PROS1: variants seen among roughly 807,000 people sequenced by gnomAD.
PROS1 encodes vitamin K-dependent protein S.
Under a neutral mutation model 75.9 loss-of-function variants are expected in PROS1, and 29 were observed. The observed-to-expected ratio is 0.38, with a 90% CI of 0.28 to 0.52. The LOEUF is 0.52. Ranked by LOEUF, PROS1 falls within the 20% of genes least tolerant of loss-of-function variation. PROS1 has a pLI of 0.83. For missense variants in PROS1, 680 were observed against 810.3 expected, an observed-to-expected ratio of 0.84 and a Z score of 1.95; for synonymous variants, 245 against 280.6, an observed-to-expected ratio of 0.87 and a Z score of 1.27.
At chr3:93,874,563 C>T (rs544407708) in intron 14 of PROS1, among the ~76,000 whole-genome samples, 158 bp from the exon 15 acceptor site, 73 of 152,228 alleles carry the variant, frequency 4.8e-4, no homozygotes, top group Non-Finnish European at 7.6e-4. Flanking sequence ...TGTTAAGTGA[C>T]GCCGATATAC....
intron 2 of PROS1, among the ~76,000 whole-genome samples, chr3:93,926,364 G>A (rs777754030): frequency 2.6e-5 from 4 of 152,182 alleles, no homozygotes; most frequent in Non-Finnish European, 4.4e-5. Context: ...GGGCGCAGTG[G>A]CTCATGCCTG....
chr3:93,971,520 C>T (rs1709881083), intron 1 of PROS1, among the ~76,000 whole-genome samples: 3 of 151,946 alleles, frequency 2.0e-5, no homozygotes, highest in Admixed American at 2.0e-4. Flanking sequence ...AATCCCAGCA[C>T]TTTGGGCAGC....
At chr3:93,932,516 G>A (rs564879235) in intron 1 of PROS1, among the ~76,000 whole-genome samples, 1 of 152,244 alleles carries the variant, frequency 6.6e-6, no homozygotes, top group South Asian at 2.1e-4. Context: ...AGTCTTTCAA[G>A]ATAAGAAGTA....
At chr3:93,925,795 C>T (rs1315429979) in intron 2 of PROS1, among the ~76,000 whole-genome samples, 3 of 148,634 alleles carry the variant, frequency 2.0e-5, no homozygotes, top group African/African-American at 7.4e-5. Flanking sequence ...TGCACTCTAG[C>T]CTGGGCAACA....
intron 3 of PROS1, among the ~76,000 whole-genome samples, chr3:93,921,273 T>TCA (rs1163712464): frequency 6.6e-6 from 1 of 152,236 alleles, no homozygotes; most frequent in African/African-American, 2.4e-5. Context: ...TCGGACTGAA[T>TCA]ATCATTTTAT....
At position 93,910,614 on chromosome 3, in the gene PROS1, C is replaced by T. The variant is rs865991206; in HGVS notation, c.346+5G>A. 23 of 1,606,244 alleles carry T rather than the reference C, an allele frequency of 1.4e-5. No individual in the cohort carries two copies. Among genetic ancestry groups the T allele is most frequent in the Non-Finnish European group, 1.8e-5 (21 of 1,173,220 alleles). On this transcript the variant is annotated splice_donor_5th_base_variant and intron_variant, in intron 4 of 14. Coordinates refer to ENST00000394236, the MANE Select transcript of PROS1 (RefSeq NM_000313.4). The stretch of plus-strand genomic sequence containing the variant: ...GTTTTTTCAATTGATGGTAGAAGTG[C>T]TTACCATTGACACAGCTTCTTAGGT...
intron 13 of PROS1, among the ~76,000 whole-genome samples, chr3:93,878,278 T>C (rs1470159738): frequency 6.6e-6 from 1 of 152,048 alleles, no homozygotes; most frequent in East Asian, 1.9e-4. Flanking sequence ...AGGCAGGAGA[T>C]TAAAACAAAA....
At chr3:93,958,419 A>G (rs1709645548) in intron 1 of PROS1, 1 of 152,224 alleles carries the variant, frequency 6.6e-6, no homozygotes, top group Non-Finnish European at 1.5e-5. Context: ...CCAATCCTAC[A>G]TTTGATAAAA....
intron 1 of PROS1, among the ~76,000 whole-genome samples, chr3:93,927,957 GTA>G (rs1174657374): frequency 2.8e-4 from 32 of 116,058 alleles, no homozygotes; most frequent in East Asian, 1.0e-3. Context: ...ATATACTTGT[GTA>G]TATATATATG....
At chr3:93,878,350 C>A (rs1389274961) in intron 13 of PROS1, among the ~76,000 whole-genome samples, 4 of 152,176 alleles carry the variant, frequency 2.6e-5, no homozygotes, top group African/African-American at 7.2e-5. Flanking sequence ...CCACCAGAAA[C>A]TTCCCATCCT....
chr3:93,960,532 CTTTTTTTTTT>C (rs774875701), intron 1 of PROS1, among the ~76,000 whole-genome samples: 5 of 50,144 alleles, frequency 1.0e-4, no homozygotes, highest in African/African-American at 1.8e-4. Flanking sequence ...CTCCATTGCT[CTTTTTTTTTT>C]TTTTTTTTTT....
At chr3:93,932,548 T>G (rs1259948499) in intron 1 of PROS1, among the ~76,000 whole-genome samples, 1 of 152,228 alleles carries the variant, frequency 6.6e-6, no homozygotes, top group Non-Finnish European at 1.5e-5. Context: ...ACTTGATTTT[T>G]TTAACTTATC....
At chr3:93,967,199 T>G (rs1645531595) in intron 1 of PROS1, among the ~76,000 whole-genome samples, 1 of 152,238 alleles carries the variant, frequency 6.6e-6, no homozygotes, top group Admixed American at 6.5e-5. Flanking sequence ...TTCCTCGAGC[T>G]GCTAAAAGTT....
intron 4 of PROS1, among the ~76,000 whole-genome samples, chr3:93,906,922 C>A (rs1183334231): frequency 1.3e-5 from 2 of 152,224 alleles, no homozygotes; most frequent in East Asian, 1.9e-4. Flanking sequence ...AGTCTTTGGG[C>A]TCCAACAAGC....
At chr3:93,950,276 A>G (rs544737343) in intron 1 of PROS1, among the ~76,000 whole-genome samples, 1 of 152,312 alleles carries the variant, frequency 6.6e-6, no homozygotes, top group East Asian at 1.9e-4. Context: ...GCTGAACAAA[A>G]GGCAGCAGAA....
At chr3:93,917,444 C>G (rs1208908479) in intron 3 of PROS1, among the ~76,000 whole-genome samples, 1 of 152,198 alleles carries the variant, frequency 6.6e-6, no homozygotes, top group Non-Finnish European at 1.5e-5. Context: ...TGAGAGGTGA[C>G]AGCGTGCTGG....
chr3:93,886,098 T>A (rs565520761), intron 11 of PROS1, among the ~76,000 whole-genome samples: 1 of 152,246 alleles, frequency 6.6e-6, no homozygotes, highest in Admixed American at 6.5e-5. Context: ...ATTTTAGAAA[T>A]CCACTTCATG....
intron 1 of PROS1, among the ~76,000 whole-genome samples, chr3:93,942,397 G>GA (rs1442659265): frequency 3.9e-5 from 6 of 152,102 alleles, no homozygotes; most frequent in African/African-American, 1.4e-4. Flanking sequence ...CCTCTTTAAT[G>GA]AAAACTCTTC....
chr3:93,898,194 T>C (rs909736803), intron 8 of PROS1, among the ~76,000 whole-genome samples: 2 of 152,068 alleles, frequency 1.3e-5, no homozygotes, highest in African/African-American at 2.4e-5. Context: ...ATTTTATAAA[T>C]GTACAGACTA....
Sources: gnomAD v4.1 joint callset for allele counts (sites outside exome capture counted in the v4.1 genomes callset) on GRCh38, gnomAD v4.1.1 for gene constraint, MANE v1.5 for transcripts, NCBI Gene and HGNC (gene_info 2026-07-23, HGNC 2026-07-21) for gene names.